Variants in NFATC1 observed in about 807,000 individuals in gnomAD.
The protein encoded by NFATC1 is nuclear factor of activated T-cells, cytoplasmic 1.
Under a neutral mutation model 76.0 loss-of-function variants are expected in NFATC1, and 22 were observed. The observed-to-expected ratio is 0.29, with a 90% CI of 0.21 to 0.41. The LOEUF is 0.41. Among genes scored for constraint, NFATC1 ranks in the 10% least tolerant of loss-of-function variants. NFATC1 has a pLI of 1.00. For synonymous variants in NFATC1, 704 were observed against 613.1 expected, an observed-to-expected ratio of 1.15 and a Z score of -2.19; for missense variants, 1,357 against 1,337.7, an observed-to-expected ratio of 1.01 and a Z score of -0.23.
intron 8 of NFATC1, among the ~76,000 whole-genome samples, chr18:79,476,507 C>T (rs2089076446): frequency 6.6e-6 from 1 of 152,256 alleles, no homozygotes; most frequent in Non-Finnish European, 1.5e-5. Context: ...ACCACACAGC[C>T]TGAGGCCCCA....
chr18:79,486,342 C>T lies in NFATC1; in HGVS notation c.2187C>T (p.Tyr729=), dbSNP rs762600017. The stretch of plus-strand genomic sequence containing the variant: ...GGTTAAGTCCTCTCCCAAGACCATA[C>T]TACAGCCAGCAGCTCGCGATGCCAC... ...SQGLSPLPRP[Y]YSQQLAMPPD... The change falls in exon 9 of 10, where the codon TAC becomes TAT. Residue 729 remains tyrosine (Y), a synonymous_variant. Coordinates refer to ENST00000427363, the MANE Select transcript of NFATC1 (RefSeq NM_001278669.2). 6.2e-7 allele frequency: 1 copy of T among 1,613,180 alleles called. No homozygotes were observed. Among genetic ancestry groups the T allele is most frequent in the South Asian group, 1.1e-5 (1 of 91,088 alleles).
At chr18:79,437,130 G>A (rs545735068) in intron 3 of NFATC1, among the ~76,000 whole-genome samples, 2 of 152,236 alleles carry the variant, frequency 1.3e-5, no homozygotes, top group Admixed American at 1.3e-4. Flanking sequence ...TGGTCCCTGC[G>A]GGGTCTGGCG....
intron 9 of NFATC1, among the ~76,000 whole-genome samples, chr18:79,508,898 C>T (rs1396791539): frequency 6.6e-6 from 1 of 150,874 alleles, no homozygotes; most frequent in Non-Finnish European, 1.5e-5. Flanking sequence ...GTCCCTCCCT[C>T]CCTCCCTTTC....
intron 7 of NFATC1, among the ~76,000 whole-genome samples, chr18:79,462,973 G>A (rs540567550): frequency 2.0e-5 from 3 of 152,330 alleles, no homozygotes; most frequent in South Asian, 2.1e-4. Flanking sequence ...TTGGTGGGAC[G>A]ATCGGTGGCC....
intron 1 of NFATC1, among the ~76,000 whole-genome samples, chr18:79,406,257 T>A (rs2085434247): frequency 6.6e-6 from 1 of 152,236 alleles, no homozygotes. Context: ...TAAATACTCT[T>A]TTGATTGGGA....
intron 1 of NFATC1, among the ~76,000 whole-genome samples, chr18:79,401,306 C>A (rs1472926758): frequency 6.6e-6 from 1 of 152,096 alleles, no homozygotes; most frequent in Admixed American, 6.5e-5. Context: ...CAGGGACCTC[C>A]GCCGAGTCTG....
intron 2 of NFATC1, among the ~76,000 whole-genome samples, chr18:79,427,713 G>A (rs1310761344): frequency 1.0e-5 from 1 of 98,358 alleles, no homozygotes; most frequent in African/African-American, 3.9e-5. Flanking sequence ...GGGTGGGGTT[G>A]GGGGGGTGCT....
intron 9 of NFATC1, chr18:79,493,705 C>T (rs4426412): frequency 3.3e-5 from 5 of 152,180 alleles, no homozygotes; most frequent in African/African-American, 1.2e-4. Flanking sequence ...GGCCTTCCCC[C>T]CGGCTGAGGA....
At chr18:79,490,313 G>A (rs1189711099) in intron 9 of NFATC1, among the ~76,000 whole-genome samples, 1 of 152,068 alleles carries the variant, frequency 6.6e-6, no homozygotes, top group Non-Finnish European at 1.5e-5. Context: ...TTAGGACAGG[G>A]TGGTCCCTGG....
intron 7 of NFATC1, among the ~76,000 whole-genome samples, chr18:79,464,262 T>A (rs369699720): frequency 3.3e-5 from 5 of 152,054 alleles, no homozygotes; most frequent in African/African-American, 9.7e-5. Flanking sequence ...GCTAATGTTT[T>A]TGTATTTTTT....
rs1315422694 is a variant in NFATC1 at position 79,529,092 on chromosome 18, G to C, written c.*1515G>C. The C allele has an allele frequency of 6.6e-6, 1 of 152,324 alleles. No individual in the cohort carries two copies. The highest frequency in any genetic ancestry group is 1.5e-5 in the Non-Finnish European group (1 of 68,062). The allele number at this position is 152,324 out of a possible 1,614,324, so 9.4% of individuals were successfully genotyped here. A position where few individuals can be genotyped will look rare whatever the true frequency, so the allele number is the denominator to read the frequency against. On this transcript the variant is annotated 3_prime_UTR_variant, in exon 10 of 10. Transcript: ENST00000427363. ...GCGCTCCGGCACAATCGCGTCTCTT[G>C]TGTCTCACTCACGGAAAGAAACAAC... is the stretch of plus-strand genomic sequence containing the variant.
rs572463338 is a variant in NFATC1, at chr18:79,470,949, G to A, written c.2092+3367G>A. On this transcript the variant is annotated intron_variant, in intron 8 of 9. Coordinates refer to ENST00000427363, the MANE Select transcript of NFATC1 (RefSeq NM_001278669.2). ...GGCATTAAATGGGGAGAAGTTCCCA[G>A]CAGAATGTATGAGCCCCATGAACGG... 151 of 152,352 alleles carry A rather than the reference G, an allele frequency of 9.9e-4. 3 individuals are homozygous for A. In the Middle Eastern group the frequency reaches 0.037, roughly 38 times the overall value. 9.4% of individuals were successfully genotyped at this position (152,352 alleles called of 1,614,324 possible). A position where few individuals can be genotyped will look rare whatever the true frequency, so the allele number is the denominator to read the frequency against.
At chr18:79,451,648 C>G (rs770395133) in intron 5 of NFATC1, 28 bp from the exon 6 acceptor site, 1 of 1,553,288 alleles carries the variant, frequency 6.4e-7, no homozygotes, top group Non-Finnish European at 8.7e-7. Context: ...CAGGACAGGC[C>G]CTCACTGCCC....
chr18:79,487,558 G>A (rs975069963), intron 9 of NFATC1, among the ~76,000 whole-genome samples: 6 of 152,188 alleles, frequency 3.9e-5, no homozygotes, highest in Admixed American at 6.5e-5. Flanking sequence ...ACCCAACACC[G>A]CACACCTGGG....
At chr18:79,437,179 G>C (rs939128411) in intron 3 of NFATC1, among the ~76,000 whole-genome samples, 2 of 152,226 alleles carry the variant, frequency 1.3e-5, no homozygotes, top group Non-Finnish European at 2.9e-5. Context: ...CCCTCTGCAG[G>C]GTGGGGCCTG....
At chr18:79,511,189 G>C (rs1192338031) in intron 9 of NFATC1, among the ~76,000 whole-genome samples, 3 of 152,248 alleles carry the variant, frequency 2.0e-5, no homozygotes, top group Non-Finnish European at 4.4e-5. Flanking sequence ...TATGTGCAGT[G>C]TTGGAATAGC....
At chr18:79,514,501 G>C (rs535340804) in intron 9 of NFATC1, among the ~76,000 whole-genome samples, 1 of 140,264 alleles carries the variant, frequency 7.1e-6, no homozygotes. Context: ...GGGAGATCAA[G>C]GCTGCAGTGA....
chr18:79,402,296 G>A lies in NFATC1; in HGVS notation c.127+5945G>A, dbSNP rs114953818. 4.4e-4 allele frequency: 431 copies of A among 983,452 alleles called. No individual in the cohort carries two copies. The African/African-American group carries it at 5.7e-3, about 13-fold the overall frequency. The allele number at this position is 983,452 out of a possible 1,614,324, so 60.9% of individuals were successfully genotyped here. ...GTTTATACACCATTTTGAGGTGGGC[G>A]GGCTTCCTGCTGGCATCGGATATGG... is the stretch of plus-strand genomic sequence containing the variant. On this transcript the variant is annotated intron_variant, in intron 1 of 9. Coordinates refer to ENST00000427363, the MANE Select transcript of NFATC1 (RefSeq NM_001278669.2).
intron 3 of NFATC1, among the ~76,000 whole-genome samples, chr18:79,438,165 C>CCTTG (rs1179105645): frequency 3.9e-5 from 6 of 152,362 alleles, no homozygotes; most frequent in African/African-American, 1.4e-4. Context: ...GGTCACTCTG[C>CCTTG]CTTGCTTTCC....
Sources: allele counts gnomAD v4.1 joint callset (sites outside exome capture counted in the v4.1 genomes callset), GRCh38; gene constraint gnomAD v4.1.1; transcripts MANE v1.5; gene names NCBI Gene and HGNC (gene_info 2026-07-23, HGNC 2026-07-21).